Variants in DNAJC1 observed in about 807,000 individuals in gnomAD.
The protein encoded by DNAJC1 is DnaJ heat shock protein family (Hsp40) member C1.
In DNAJC1, 58 loss-of-function variants were observed where a neutral mutation model predicts 76.6. The observed-to-expected ratio is 0.76, with a 90% CI of 0.61 to 0.94. The LOEUF is 0.94. Ranked by LOEUF, DNAJC1 falls within the 40% of genes least tolerant of loss-of-function variation. The probability of loss-of-function intolerance (pLI) is 0.00; values close to 1 mark genes in which losing one functional copy is unlikely to be tolerated. For synonymous variants in DNAJC1, 258 were observed against 267.9 expected, an observed-to-expected ratio of 0.96 and a Z score of 0.36; for missense variants, 689 against 677.3, an observed-to-expected ratio of 1.02 and a Z score of -0.19.
At chr10:21,833,297 C>T (rs1184360308) in intron 8 of DNAJC1, among the ~76,000 whole-genome samples, 1 of 151,862 alleles carries the variant, frequency 6.6e-6, no homozygotes, top group Non-Finnish European at 1.5e-5. Context: ...CAGTGAAACC[C>T]CATCTCTACT....
chr10:21,893,040 A>G (rs2131733141), intron 7 of DNAJC1, among the ~76,000 whole-genome samples: 1 of 152,358 alleles, frequency 6.6e-6, no homozygotes, highest in East Asian at 1.9e-4. Flanking sequence ...TGACATTTAT[A>G]GAACACTCCA....
intron 6 of DNAJC1, among the ~76,000 whole-genome samples, chr10:21,912,699 C>CT (rs962982957): frequency 3.3e-5 from 5 of 151,898 alleles, no homozygotes; most frequent in Non-Finnish European, 7.4e-5. Context: ...CTGTTTAACT[C>CT]TAAGTAGAAG....
At chr10:21,978,618 C>A (rs1313449094) in intron 1 of DNAJC1, among the ~76,000 whole-genome samples, 1 of 152,038 alleles carries the variant, frequency 6.6e-6, no homozygotes, top group East Asian at 1.9e-4. Context: ...TCCTACATTT[C>A]TGTCAAAGAT....
At chr10:21,775,531 G>C (rs543397871) in intron 9 of DNAJC1, among the ~76,000 whole-genome samples, 15 of 151,676 alleles carry the variant, frequency 9.9e-5, no homozygotes, top group Admixed American at 5.3e-4. Flanking sequence ...CAATGCCTAG[G>C]GTGACTCAGT....
At chr10:21,806,367 T>G (rs1049615252) in intron 8 of DNAJC1, among the ~76,000 whole-genome samples, 1 of 152,194 alleles carries the variant, frequency 6.6e-6, no homozygotes, top group East Asian at 1.9e-4. Context: ...AACCAGGTTT[T>G]GCAGACATTT....
intron 8 of DNAJC1, among the ~76,000 whole-genome samples, chr10:21,811,432 CA>C (rs1564794135): frequency 6.6e-6 from 1 of 152,158 alleles, no homozygotes; most frequent in Non-Finnish European, 1.5e-5. Flanking sequence ...GTCCAAATTG[CA>C]AAACAACTGA....
intron 8 of DNAJC1, among the ~76,000 whole-genome samples, chr10:21,868,323 A>G (rs905105453): frequency 6.6e-6 from 1 of 151,604 alleles, no homozygotes; most frequent in South Asian, 2.1e-4. Flanking sequence ...GGGTTTGTCC[A>G]TATTGGTCAG....
intron 6 of DNAJC1, among the ~76,000 whole-genome samples, chr10:21,912,701 A>G (rs994783799): frequency 1.3e-5 from 2 of 152,156 alleles, no homozygotes; most frequent in African/African-American, 4.8e-5. Flanking sequence ...GTTTAACTCT[A>G]AGTAGAAGGG....
chr10:21,833,181 A>G (rs1835389343), intron 8 of DNAJC1, among the ~76,000 whole-genome samples: 1 of 152,210 alleles, frequency 6.6e-6, no homozygotes, highest in African/African-American at 2.4e-5. Flanking sequence ...GGTTAAGAGC[A>G]TGAGTTCTGG....
chr10:21,757,123 G>C (rs1041383340), intron 11 of DNAJC1, among the ~76,000 whole-genome samples: 1 of 152,226 alleles, frequency 6.6e-6, no homozygotes, highest in Non-Finnish European at 1.5e-5. Flanking sequence ...CCTGGGGCCA[G>C]GTAGCCTATT....
intron 9 of DNAJC1, among the ~76,000 whole-genome samples, chr10:21,784,669 G>A (rs1459754042): frequency 6.6e-6 from 1 of 152,200 alleles, no homozygotes; most frequent in African/African-American, 2.4e-5. Flanking sequence ...ATCAATGATA[G>A]ACTGGATCAA....
At chr10:21,976,802 T>C (rs1169991577) in intron 1 of DNAJC1, among the ~76,000 whole-genome samples, 1 of 152,206 alleles carries the variant, frequency 6.6e-6, no homozygotes, top group Non-Finnish European at 1.5e-5. Flanking sequence ...CTATGTTTAA[T>C]GACTCCTGTG....
At chr10:21,932,809 A>C (rs1453775403) in intron 1 of DNAJC1, among the ~76,000 whole-genome samples, 1 of 152,122 alleles carries the variant, frequency 6.6e-6, no homozygotes, top group Non-Finnish European at 1.5e-5. Context: ...TTTTTGTAGA[A>C]ACAGGGTTTT....
At chr10:21,989,350 G>C (rs1451388666) in intron 1 of DNAJC1, among the ~76,000 whole-genome samples, 1 of 152,156 alleles carries the variant, frequency 6.6e-6, no homozygotes, top group Admixed American at 6.5e-5. Context: ...AATTTAAAGA[G>C]AGAAAATTAT....
chr10:21,837,491 G>A lies in DNAJC1; in HGVS notation c.979-31392C>T, dbSNP rs541318282. 7.3e-3 allele frequency among the ~76,000 whole-genome samples: 1,104 copies of A among 150,470 alleles called. 10 individuals are homozygous for A. The highest frequency in any genetic ancestry group is 0.01 in the Middle Eastern group (3 of 288). ...GAGCGTCTCTGCCCGGCCGCCCATC[G>A]TCTGAGATGTGGGGAGCGCCTCTGC... On this transcript the variant is annotated intron_variant, in intron 8 of 11. Transcript: ENST00000376980.
intron 9 of DNAJC1, among the ~76,000 whole-genome samples, chr10:21,784,600 C>T (rs979560649): frequency 1.3e-5 from 2 of 152,122 alleles, no homozygotes; most frequent in South Asian, 2.1e-4. Flanking sequence ...CACATGCACA[C>T]GTATGTTTAT....
chr10:21,920,057 T>C, intron 4 of DNAJC1, 128 bp from the exon 5 acceptor site: 1 of 535,906 alleles, frequency 1.9e-6, no homozygotes, highest in South Asian at 3.4e-5. Context: ...GGGTCCAACA[T>C]GATTAAGTAA....
intron 9 of DNAJC1, among the ~76,000 whole-genome samples, chr10:21,803,587 T>TTC (rs1554887197): frequency 3.0e-5 from 4 of 134,568 alleles, no homozygotes; most frequent in African/African-American, 9.7e-5. Context: ...CAGAGTGATT[T>TTC]TCTGTGTGTG....
At chr10:21,830,896 C>A (rs1391794496) in intron 8 of DNAJC1, among the ~76,000 whole-genome samples, 1 of 152,040 alleles carries the variant, frequency 6.6e-6, no homozygotes, top group Non-Finnish European at 1.5e-5. Context: ...TCTAAAAGTT[C>A]TTTTTTTCAT....
Sources: allele counts gnomAD v4.1 joint callset (sites outside exome capture counted in the v4.1 genomes callset), GRCh38; gene constraint gnomAD v4.1.1; transcripts MANE v1.5; gene names NCBI Gene and HGNC (gene_info 2026-07-23, HGNC 2026-07-21).